KCNQ1: variants seen among roughly 807,000 people sequenced by gnomAD.
KCNQ1 encodes potassium voltage-gated channel subfamily KQT member 1.
Under a neutral mutation model 72.4 loss-of-function variants are expected in KCNQ1, and 49 were observed. The observed-to-expected ratio is 0.68, with a 90% CI of 0.54 to 0.86. KCNQ1 has a LOEUF of 0.86. Among genes scored for constraint, KCNQ1 ranks in the 40% least tolerant of loss-of-function variants. The pLI, the probability that KCNQ1 is intolerant of heterozygous loss-of-function variation, is 0.00. For synonymous variants in KCNQ1, 450 were observed against 412.6 expected, an observed-to-expected ratio of 1.09 and a Z score of -1.10; for missense variants, 790 against 945.1, an observed-to-expected ratio of 0.84 and a Z score of 2.15.
chr11:2,794,185 G>A (rs1847085753), intron 15 of KCNQ1, among the ~76,000 whole-genome samples: 1 of 152,230 alleles, frequency 6.6e-6, no homozygotes, highest in African/African-American at 2.4e-5. Context: ...GCTGTGGGAT[G>A]AGGGAGAGCA....
chr11:2,779,555 C>G (rs1375799012), intron 15 of KCNQ1, among the ~76,000 whole-genome samples: 2 of 152,160 alleles, frequency 1.3e-5, no homozygotes, highest in Non-Finnish European at 2.9e-5. Flanking sequence ...GGGGACAGCC[C>G]CCGCCTTTCC....
chr11:2,610,615 C>T (rs1019218767), intron 10 of KCNQ1: 1 of 397,188 alleles, frequency 2.5e-6, no homozygotes, highest in South Asian at 1.3e-4. Context: ...TCTTACAAAA[C>T]TGGTCTGCTA....
rs889689336 is a variant in KCNQ1 at position 2,477,507 on chromosome 11, CAGAG to C, written c.386+32027_386+32030del. 2.0e-5 allele frequency among the ~76,000 whole-genome samples: 3 copies of C among 152,140 alleles called. No homozygotes were observed. Among genetic ancestry groups the C allele is most frequent in the East Asian group, 1.9e-4 (1 of 5,162 alleles). On this transcript the variant is annotated intron_variant, in intron 1 of 15. Coordinates refer to ENST00000155840, the MANE Select transcript of KCNQ1 (RefSeq NM_000218.3). This position sits in a 1 kb window ranked among gnomAD's most constrained non-coding sequence, Gnocchi z 5.0. ...AGTGATCTCTCTGCTGCCTCACTAG[CAGAG>C]AGAAAAGAAAACTACAGACCAGTGA...
Position 2,848,995 on chromosome 11 carries a change from T to C in KCNQ1, c.*992T>C, listed in dbSNP as rs1269213282. 1 of 454,066 alleles carries C rather than the reference T, an allele frequency of 2.2e-6. No homozygotes were observed. Among genetic ancestry groups the C allele is most frequent in the Non-Finnish European group, 4.4e-6 (1 of 226,810 alleles). 28.1% of individuals were successfully genotyped at this position (454,066 alleles called of 1,614,324 possible). On this transcript the variant is annotated 3_prime_UTR_variant, in exon 16 of 16. Transcript: ENST00000155840. ...CTAATAAACGTGGAGAATCACAGGC[T>C]GGGCTGGGCACTGCTCTCACCTTGG...
rs142980415 is a variant in KCNQ1, at chr11:2,488,588, G to A, written c.387-39340G>A. 1.5e-4 allele frequency among the ~76,000 whole-genome samples: 23 copies of A among 152,216 alleles called. No homozygotes were observed. In the East Asian group the frequency reaches 3.7e-3, roughly 24 times the overall value. On this transcript the variant is annotated intron_variant, in intron 1 of 15. Transcript: ENST00000155840. The surrounding 1 kb of genome is among the most constrained non-coding windows in gnomAD (Gnocchi z 5.1). ...TTGTGATTTAGTTTTGGTAGGTTTC[G>A]TGTTTCTCAGAATTTGTCCATTTCA... is the stretch of plus-strand genomic sequence containing the variant.
intron 1 of KCNQ1, chr11:2,461,335 G>T: frequency 9.8e-7 from 1 of 1,020,400 alleles, no homozygotes; most frequent in Non-Finnish European, 1.3e-6. Context: ...GGTTGCTGTC[G>T]TTCCTGAAAT....
chr11:2,780,214 G>A (rs935048521), intron 15 of KCNQ1, among the ~76,000 whole-genome samples: 7 of 152,164 alleles, frequency 4.6e-5, no homozygotes, highest in African/African-American at 1.4e-4. Flanking sequence ...TAGCCTACCC[G>A]GTCCTTGCCC....
At chr11:2,845,786 C>G (rs1175754912) in intron 15 of KCNQ1, among the ~76,000 whole-genome samples, 1 of 152,210 alleles carries the variant, frequency 6.6e-6, no homozygotes, top group Non-Finnish European at 1.5e-5. Context: ...CAGTCCCACC[C>G]TCCCAGGTGG....
rs541493772 is a variant in KCNQ1 at position 2,543,242 on chromosome 11, A to T, written c.477+15224A>T. 6.6e-6 allele frequency among the ~76,000 whole-genome samples: 1 copy of T among 152,138 alleles called. No homozygotes were observed. The highest frequency in any genetic ancestry group is 1.9e-4 in the East Asian group (1 of 5,180). The stretch of plus-strand genomic sequence containing the variant: ...TATTTGTTTTACACATGTATTCTCT[A>T]GTCGGTGGCTTTCCTTTTCATTTAT... On this transcript the variant is annotated intron_variant, in intron 2 of 15. Transcript: ENST00000155840. This position sits in a 1 kb window ranked among gnomAD's most constrained non-coding sequence, Gnocchi z 5.6.
rs530267185 is a variant in KCNQ1 at position 2,617,634 on chromosome 11, C to T, written c.1393+28780C>T. 9.3e-5 allele frequency: 37 copies of T among 398,400 alleles called. 1 individual carries two copies. The highest frequency in any genetic ancestry group is 7.4e-4 in the African/African-American group (36 of 48,702). The allele number at this position is 398,400 out of a possible 1,614,324, so 24.7% of individuals were successfully genotyped here. On this transcript the variant is annotated intron_variant, in intron 10 of 15. Coordinates refer to ENST00000155840, the MANE Select transcript of KCNQ1 (RefSeq NM_000218.3). The surrounding 1 kb of genome is among the most constrained non-coding windows in gnomAD (Gnocchi z 4.6). ...ATATTTTCAATTTCTTTAGGAGCCA[C>T]CATTCTGTTTTTCATTATGACTGCA... is the stretch of plus-strand genomic sequence containing the variant.
chr11:2,699,912 G>T (rs1161152268), intron 11 of KCNQ1: 9 of 398,288 alleles, frequency 2.3e-5, no homozygotes, highest in Non-Finnish European at 3.5e-5. Flanking sequence ...CACCCCGGCA[G>T]AATCGCGCTG....
intron 15 of KCNQ1, among the ~76,000 whole-genome samples, chr11:2,794,675 C>T (rs929498421): frequency 2.6e-5 from 4 of 152,148 alleles, no homozygotes; most frequent in African/African-American, 2.4e-5. Context: ...ACCGCCTTCC[C>T]AGGTGAGGGT....
Position 2,447,235 on chromosome 11 carries a change from A to C in KCNQ1, c.386+1751A>C, listed in dbSNP as rs1846051690. 6.6e-6 allele frequency among the ~76,000 whole-genome samples: 1 copy of C among 152,108 alleles called. No individual in the cohort carries two copies. The highest frequency in any genetic ancestry group is 2.4e-5 in the African/African-American group (1 of 41,408). On this transcript the variant is annotated intron_variant, in intron 1 of 15. Coordinates refer to ENST00000155840, the MANE Select transcript of KCNQ1 (RefSeq NM_000218.3). This position sits in a 1 kb window ranked among gnomAD's most constrained non-coding sequence, Gnocchi z 7.6. ...AGGTCTCGGAAGTTTGCTCAGCAAG[A>C]GTCTACCTTCGCCCAGCCTCCGCAG...
chr11:2,758,400 A>G (rs1183780270), intron 11 of KCNQ1, among the ~76,000 whole-genome samples: 1 of 152,218 alleles, frequency 6.6e-6, no homozygotes, highest in Non-Finnish European at 1.5e-5. Flanking sequence ...AGTAATGATG[A>G]CACCAAATGT....
chr11:2,747,438 C>T (rs938681163), intron 11 of KCNQ1, among the ~76,000 whole-genome samples: 3 of 152,186 alleles, frequency 2.0e-5, no homozygotes, highest in Non-Finnish European at 4.4e-5. Flanking sequence ...CTCTGCCCAG[C>T]GGTGCAGCCT....
intron 11 of KCNQ1, chr11:2,667,748 C>T: frequency 2.5e-6 from 1 of 398,730 alleles, no homozygotes. Context: ...TGGGATGGGG[C>T]TGGGCCTAGC....
chr11:2,529,859 C>G (rs1372255391), intron 2 of KCNQ1, among the ~76,000 whole-genome samples: 1 of 152,170 alleles, frequency 6.6e-6, no homozygotes, highest in Non-Finnish European at 1.5e-5. Flanking sequence ...GGGTGCGCAC[C>G]TCCCGTGCTC....
At position 2,768,790 on chromosome 11, in the gene KCNQ1, G is replaced by T; in HGVS notation, c.1515-54G>T. 6 of 1,384,792 alleles carry T rather than the reference G, an allele frequency of 4.3e-6. No homozygotes were observed. The highest frequency in any genetic ancestry group is 1.0e-6 in the Non-Finnish European group (1 of 970,624). 85.8% of individuals were successfully genotyped at this position (1,384,792 alleles called of 1,614,324 possible). A position where few individuals can be genotyped will look rare whatever the true frequency, so the allele number is the denominator to read the frequency against. ...CTCAGGCAGTGCAGGGGCAGTGAGG[G>T]GATGACCAGCACAGGGTGGCCACTC... On this transcript the variant is annotated intron_variant, in intron 11 of 15. Coordinates refer to ENST00000155840, the MANE Select transcript of KCNQ1 (RefSeq NM_000218.3). This position sits in a 1 kb window ranked among gnomAD's most constrained non-coding sequence, Gnocchi z 6.7.
At chr11:2,561,166 G>A (rs1175481640) in intron 2 of KCNQ1, among the ~76,000 whole-genome samples, 3 of 147,948 alleles carry the variant, frequency 2.0e-5, no homozygotes, top group African/African-American at 5.0e-5. Context: ...TTGCGCCACT[G>A]CACTCCAGCC....
Sources: gnomAD v4.1 joint callset for allele counts (sites outside exome capture counted in the v4.1 genomes callset) on GRCh38, gnomAD v4.1.1 for gene constraint, Gnocchi (gnomAD v3.1) non-coding constraint, MANE v1.5 for transcripts, NCBI Gene and HGNC (gene_info 2026-07-23, HGNC 2026-07-21) for gene names.